The following FAR2 variants were observed in gnomAD, a reference collection of about 807,000 sequenced individuals.
FAR2 encodes the protein fatty acyl-CoA reductase 2.
A neutral mutation model predicts 56.0 loss-of-function variants in FAR2; 19 were observed. The observed-to-expected ratio is 0.34, with a 90% confidence interval of 0.24 to 0.50. The LOEUF is 0.50. Among genes scored for constraint, FAR2 ranks in the 20% least tolerant of loss-of-function variants. FAR2 has a pLI of 0.98. For missense variants in FAR2, 508 were observed against 642.2 expected, an observed-to-expected ratio of 0.79 and a Z score of 2.26; for synonymous variants, 219 against 218.8, an observed-to-expected ratio of 1.00 and a Z score of -0.01.
At chr12:29,257,501 C>G (rs915600830) in intron 1 of FAR2, among the ~76,000 whole-genome samples, 11 of 152,314 alleles carry the variant, frequency 7.2e-5, no homozygotes, top group Non-Finnish European at 1.3e-4. Flanking sequence ...CTCTTCCACG[C>G]TGTGGAAGCT....
chr12:29,256,306 G>A (rs1948315307), intron 1 of FAR2, among the ~76,000 whole-genome samples: 1 of 152,270 alleles, frequency 6.6e-6, no homozygotes, highest in East Asian at 1.9e-4. Context: ...TCCCGGCTCA[G>A]CCTTCCTAGT....
intron 1 of FAR2, among the ~76,000 whole-genome samples, chr12:29,256,099 TGACCTCA>T (rs1431585052): frequency 2.6e-5 from 4 of 152,176 alleles, no homozygotes; most frequent in Non-Finnish European, 4.4e-5. Flanking sequence ...CATAAACTCC[TGACCTCA>T]GGTGATCCAC....
chr12:29,176,525 A>G (rs1565682393), intron 1 of FAR2, among the ~76,000 whole-genome samples: 1 of 152,242 alleles, frequency 6.6e-6, no homozygotes, highest in African/African-American at 2.4e-5. Context: ...ATTTGAGAAA[A>G]TTGTTTATAT....
intron 1 of FAR2, among the ~76,000 whole-genome samples, chr12:29,266,316 AC>A (rs1386389576): frequency 2.0e-5 from 3 of 152,202 alleles, no homozygotes. Flanking sequence ...ACAATGGAGT[AC>A]TATTCAGCCA....
intron 1 of FAR2, among the ~76,000 whole-genome samples, chr12:29,208,273 G>GTGACCTCCA (rs1947499965): frequency 6.6e-6 from 1 of 152,124 alleles, no homozygotes; most frequent in Non-Finnish European, 1.5e-5. Flanking sequence ...GGCACTGCTG[G>GTGACCTCCA]TGACCTCCAC....
intron 1 of FAR2, among the ~76,000 whole-genome samples, chr12:29,247,438 T>C (rs951401991): frequency 1.3e-5 from 2 of 152,178 alleles, no homozygotes; most frequent in Non-Finnish European, 2.9e-5. Context: ...AAACAGTAAT[T>C]TGTGCAATGA....
rs1421017415 is a variant in FAR2 at position 29,333,735 on chromosome 12, G to T, written c.1489G>T (p.Val497Leu). The change falls in exon 12 of 12, where the codon GTA becomes TTA. Residue 497 changes from valine (V) to leucine (L), a missense_variant. Transcript: ENST00000536681. Reference sequence around the variant, plus strand: ...GGCTCGGAATGTCTGGTTCTTCATTGTAAGCTTCTGTTATAAATTCCTCTC... The same window carrying T: ...GGCTCGGAATGTCTGGTTCTTCATTTTAAGCTTCTGTTATAAATTCCTCTC... ...QMARNVWFFI[V>L]SFCYKFLSYF... The T allele has an allele frequency of 1.9e-6, 3 of 1,613,786 alleles. No individual in the cohort carries two copies. Among genetic ancestry groups the T allele is most frequent in the Non-Finnish European group, 2.5e-6 (3 of 1,179,760 alleles).
chr12:29,299,057 C>CA (rs1949115994), intron 4 of FAR2, among the ~76,000 whole-genome samples: 1 of 151,582 alleles, frequency 6.6e-6, no homozygotes. Flanking sequence ...CTACTAAATA[C>CA]AAAAAATTAG....
At chr12:29,326,773 A>G (rs1274572777) in intron 10 of FAR2, among the ~76,000 whole-genome samples, 1 of 152,156 alleles carries the variant, frequency 6.6e-6, no homozygotes, top group African/African-American at 2.4e-5. Flanking sequence ...AGAGCTATCT[A>G]TGAAAAACCC....
rs1949773975 is a variant in FAR2 at position 29,334,703 on chromosome 12, A to G, written c.*909A>G. The G allele has an allele frequency of 6.6e-6, 1 of 152,108 alleles. No homozygotes were observed. Among genetic ancestry groups the G allele is most frequent in the African/African-American group, 2.4e-5 (1 of 41,426 alleles). 9.4% of individuals were successfully genotyped at this position (152,108 alleles called of 1,614,324 possible). A position where few individuals can be genotyped will look rare whatever the true frequency, so the allele number is the denominator to read the frequency against. Reference sequence around the variant, plus strand: ...TGCCACTGAGCAAAACAAAACTTCAAATGAACTTTTAAACTGTAGCTTTAG... The same window carrying G: ...TGCCACTGAGCAAAACAAAACTTCAGATGAACTTTTAAACTGTAGCTTTAG... On this transcript the variant is annotated 3_prime_UTR_variant, in exon 12 of 12. Transcript: ENST00000536681.
At chr12:29,186,867 T>C (rs942190589) in intron 1 of FAR2, among the ~76,000 whole-genome samples, 9 of 151,950 alleles carry the variant, frequency 5.9e-5, no homozygotes, top group Admixed American at 3.9e-4. Context: ...CGGCTCACTG[T>C]AAGCTCCGCC....
At chr12:29,193,882 C>T (rs1414780369) in intron 1 of FAR2, among the ~76,000 whole-genome samples, 9 of 152,174 alleles carry the variant, frequency 5.9e-5, no homozygotes, top group African/African-American at 2.2e-4. Flanking sequence ...AATGAGAGTT[C>T]CTATCGCTCC....
intron 1 of FAR2, among the ~76,000 whole-genome samples, chr12:29,214,545 G>A (rs1357742654): frequency 6.6e-6 from 1 of 152,140 alleles, no homozygotes; most frequent in Non-Finnish European, 1.5e-5. Flanking sequence ...CATGGGACTG[G>A]GCACAGTGGC....
intron 1 of FAR2, among the ~76,000 whole-genome samples, chr12:29,225,732 T>A (rs1261316449): frequency 6.6e-6 from 1 of 152,200 alleles, no homozygotes; most frequent in Non-Finnish European, 1.5e-5. Context: ...GAGAATGATT[T>A]TCTGTCTCCA....
chr12:29,332,503 T>C (rs1299982679), intron 10 of FAR2, 97 bp from the exon 11 acceptor site: 4 of 1,543,460 alleles, frequency 2.6e-6, no homozygotes, highest in East Asian at 4.5e-5. Context: ...GTCTCCCAAA[T>C]TGAAGGTCAC....
rs552987618 is a variant in FAR2 at position 29,159,131 on chromosome 12, C to A, written c.-39+9724C>A. Among the ~76,000 whole-genome samples, 3 of 152,182 alleles carry A rather than the reference C, an allele frequency of 2.0e-5. No individual in the cohort carries two copies. The South Asian group carries it at 6.2e-4, about 32-fold the overall frequency. The stretch of plus-strand genomic sequence containing the variant: ...TTGTGCAATTTTTCAGTAATGATAC[C>A]CAATGTGTAAATATACAATGCTCAT... On this transcript the variant is annotated intron_variant, in intron 1 of 11. Transcript: ENST00000536681.
chr12:29,329,852 T>C (rs1322787325), intron 10 of FAR2, among the ~76,000 whole-genome samples: 1 of 152,024 alleles, frequency 6.6e-6, no homozygotes, highest in Non-Finnish European at 1.5e-5. Flanking sequence ...AATCAGAATA[T>C]GAAGTCACAG....
intron 1 of FAR2, among the ~76,000 whole-genome samples, chr12:29,267,206 A>G (rs770008358): frequency 5.3e-5 from 8 of 152,236 alleles, no homozygotes; most frequent in Non-Finnish European, 1.2e-4. Context: ...GGGTATACAA[A>G]ATGTACGAGA....
intron 1 of FAR2, among the ~76,000 whole-genome samples, chr12:29,191,307 G>C (rs190654163): frequency 6.6e-6 from 1 of 152,310 alleles, no homozygotes; most frequent in East Asian, 1.9e-4. Flanking sequence ...TACCAGCCCC[G>C]CAAGGGAAAA....
Sources: allele counts gnomAD v4.1 joint callset (sites outside exome capture counted in the v4.1 genomes callset), GRCh38; gene constraint gnomAD v4.1.1; transcripts MANE v1.5; gene names NCBI Gene and HGNC (gene_info 2026-07-23, HGNC 2026-07-21).